The following DACT2 variants were observed in gnomAD, a reference collection of about 807,000 sequenced individuals.
The protein encoded by DACT2 is dishevelled binding antagonist of beta catenin 2, also known as dapper homolog 2.
In DACT2, 20 loss-of-function variants were observed where a neutral mutation model predicts 22.2. The observed-to-expected ratio is 0.90, with a 90% CI of 0.63 to 1.31. The LOEUF (loss-of-function observed/expected upper bound fraction) is 1.31. Among genes scored for constraint, DACT2 ranks in the 50% most tolerant of loss-of-function variants. The probability of loss-of-function intolerance (pLI) is 0.00; values close to 1 mark genes in which losing one functional copy is unlikely to be tolerated. For missense variants in DACT2, 1,048 were observed against 1,061.4 expected (o/e 0.99, Z 0.18); for synonymous variants, 463 against 479.8 (o/e 0.96, Z 0.46).
rs1779254739 is a variant in DACT2, at chr6:168,307,788, T to A, written c.1969A>T (p.Thr657Ser). 3 of 1,544,036 alleles carry A rather than the reference T, an allele frequency of 1.9e-6. No homozygotes were observed. Among genetic ancestry groups the A allele is most frequent in the Non-Finnish European group, 2.6e-6 (3 of 1,146,434 alleles). The change falls in exon 4 of 4, where the codon ACC becomes TCC. Residue 657 changes from threonine (T) to serine (S), a missense_variant. Thr to Ser is a moderately conservative substitution (Grantham distance 58, BLOSUM62 1). Transcript: ENST00000366795. This position sits in a 1 kb window ranked among gnomAD's most constrained non-coding sequence, Gnocchi z 5.3. The stretch of plus-strand genomic sequence containing the variant: ...TTGGAGGGCTCTGAGTCGCTCCTGG[T>A]GTAGGCGTCCTGGCGGACCAGTGAG... ...RPSLVRQDAY[T>S]RSDSEPSKHS...
chr6:168,300,896 G>A (rs1779090769), intron 3 of DACT2, among the ~76,000 whole-genome samples: 2 of 152,308 alleles, frequency 1.3e-5, no homozygotes, highest in African/African-American at 4.8e-5. Flanking sequence ...TGAGGCTGGA[G>A]AATCGCTTGA....
intron 1 of DACT2, among the ~76,000 whole-genome samples, chr6:168,313,161 C>T (rs1779462642): frequency 6.6e-6 from 1 of 152,196 alleles, no homozygotes; most frequent in Non-Finnish European, 1.5e-5. Context: ...ATTCTCTTGC[C>T]TCAGCCTCCC....
downstream of DACT2, among the ~76,000 whole-genome samples, chr6:168,302,955 C>T (rs1418431044): frequency 6.6e-6 from 1 of 152,188 alleles, no homozygotes; most frequent in East Asian, 1.9e-4. Flanking sequence ...TTGAAAAAGA[C>T]AGTCAACAAA....
chr6:168,318,311 C>T (rs554292606), intron 1 of DACT2, among the ~76,000 whole-genome samples: 2 of 152,384 alleles, frequency 1.3e-5, no homozygotes, highest in East Asian at 3.9e-4. Context: ...CTACCACCTC[C>T]GTCTTCCACA....
exon 6 of DACT2, chr6:168,293,831 G>A: frequency 1.4e-6 from 1 of 702,302 alleles, no homozygotes; most frequent in East Asian, 2.7e-5. Context: ...CCTGTGGCCA[G>A]GACCCGACTT....
Position 168,319,733 on chromosome 6 carries a change from C to T in DACT2, c.-100G>A. 8.5e-7 allele frequency: 1 copy of T among 1,181,434 alleles called. No homozygotes were observed. The highest frequency in any genetic ancestry group is 1.0e-6 in the Non-Finnish European group (1 of 955,404). The allele number at this position is 1,181,434 out of a possible 1,614,324, so 73.2% of individuals were successfully genotyped here. On this transcript the variant is annotated 5_prime_UTR_variant, in exon 1 of 4. Transcript: ENST00000366795. ...TGTCGCGGGTCCTCCTGCGCCTCCT[C>T]TCTCCGCCCCCGGCTCCGCAGGTCG...
chr6:168,310,841 G>A (rs922464668), intron 2 of DACT2, among the ~76,000 whole-genome samples: 3 of 152,172 alleles, frequency 2.0e-5, no homozygotes, highest in African/African-American at 7.2e-5. Context: ...CTGCCAAGTT[G>A]AGGAGACCAG....
downstream of DACT2, among the ~76,000 whole-genome samples, chr6:168,303,181 A>G (rs1265229233): frequency 6.6e-6 from 1 of 152,134 alleles, no homozygotes; most frequent in Non-Finnish European, 1.5e-5. Flanking sequence ...GTTTTCCATC[A>G]GGCTTTATGT....
chr6:168,309,890 A>T (rs1405117561), intron 3 of DACT2, among the ~76,000 whole-genome samples: 1 of 152,122 alleles, frequency 6.6e-6, no homozygotes, highest in East Asian at 1.9e-4. Flanking sequence ...CAGTGGATCC[A>T]GGGTTTTTGA....
chr6:168,303,077 C>T (rs1779138315), downstream of DACT2, among the ~76,000 whole-genome samples: 1 of 152,168 alleles, frequency 6.6e-6, no homozygotes, highest in Non-Finnish European at 1.5e-5. Flanking sequence ...TAATTTTGCC[C>T]TTTTTTCACT....
At chr6:168,296,486 G>T (rs369363858) in intron 3 of DACT2, among the ~76,000 whole-genome samples, 1 of 141,448 alleles carries the variant, frequency 7.1e-6, no homozygotes, top group Admixed American at 6.9e-5. Context: ...TGGAGGACAG[G>T]CACCCAGAAT....
At position 168,313,735 on chromosome 6, in the gene DACT2, C is replaced by A. The variant is rs1779479275; in HGVS notation, c.247-2451G>T. Among the ~76,000 whole-genome samples the A allele has an allele frequency of 2.0e-5, 3 of 152,208 alleles. No individual in the cohort carries two copies. The South Asian group carries it at 6.2e-4, about 32-fold the overall frequency. On this transcript the variant is annotated intron_variant, in intron 1 of 3. Transcript: ENST00000366795. ...GCCCTGTCCTCTTCCAAATCACACT[C>A]TCCTTCTTCTGAAGGAGGGAAGCCC...
chr6:168,311,129 G>C (rs1039556640), intron 2 of DACT2, 23 bp downstream of exon 2: 4 of 1,506,952 alleles, frequency 2.7e-6, no homozygotes, highest in African/African-American at 1.4e-5. Context: ...CCCTGTGTCC[G>C]GGAGGTCAGG....
chr6:168,301,183 C>G (rs1779097990), intron 3 of DACT2, among the ~76,000 whole-genome samples: 1 of 152,182 alleles, frequency 6.6e-6, no homozygotes, highest in African/African-American at 2.4e-5. Context: ...TCTGCATCCT[C>G]CTGTGGCAGC....
chr6:168,294,721 G>T, intron 3 of DACT2: 1 of 1,404,754 alleles, frequency 7.1e-7, no homozygotes, highest in Non-Finnish European at 9.4e-7. Context: ...AGAACAAAAT[G>T]CAAATGTGCG....
chr6:168,297,604 A>G (rs1187333019), intron 3 of DACT2, among the ~76,000 whole-genome samples: 1 of 152,220 alleles, frequency 6.6e-6, no homozygotes, highest in African/African-American at 2.4e-5. Flanking sequence ...TCCGCCCTCC[A>G]GAATGGTAGG....
Position 168,319,673 on chromosome 6 carries a change from G to T in DACT2, c.-40C>A, listed in dbSNP as rs1219081052. On this transcript the variant is annotated 5_prime_UTR_variant, in exon 1 of 4. Coordinates refer to ENST00000366795, the MANE Select transcript of DACT2 (RefSeq NM_214462.5). Reference sequence around the variant, plus strand: ...CCCGGCCTCCCGAACCCCACGAGCGGCGCCGGAGGCCCAGCGCGCGCGGAT... The same window carrying T: ...CCCGGCCTCCCGAACCCCACGAGCGTCGCCGGAGGCCCAGCGCGCGCGGAT... 1 of 1,207,162 alleles carries T rather than the reference G, an allele frequency of 8.3e-7. No homozygotes were observed. The allele number at this position is 1,207,162 out of a possible 1,614,324, so 74.8% of individuals were successfully genotyped here. A position where few individuals can be genotyped will look rare whatever the true frequency, so the allele number is the denominator to read the frequency against.
At position 168,308,086 on chromosome 6, in the gene DACT2, G is replaced by A. The variant is rs776250277; in HGVS notation, c.1671C>T (p.Pro557=). 9 of 1,544,714 alleles carry A rather than the reference G, an allele frequency of 5.8e-6. No homozygotes were observed. Among genetic ancestry groups the A allele is most frequent in the African/African-American group, 2.7e-5 (2 of 72,988 alleles). ...GGGTGGACTCAGAACAGGAGCGCCC[G>A]GGTGCCTCCCAGGCCAGGGCTGGCC... ...QRRPALAWEA[P]GRSCSESTLY... Residue 557 remains proline (P), a synonymous_variant, in exon 4 of 4, where the codon CCC becomes CCT. Transcript: ENST00000366795.
At chr6:168,293,671 C>T in exon 6 of DACT2, 1 of 568,252 alleles carries the variant, frequency 1.8e-6, no homozygotes, top group Non-Finnish European at 3.2e-6. Context: ...GTCCATTACT[C>T]CCTCACTTCA....
Sources: gnomAD v4.1 joint callset for allele counts (sites outside exome capture counted in the v4.1 genomes callset) on GRCh38, gnomAD v4.1.1 for gene constraint, Gnocchi (gnomAD v3.1) non-coding constraint, MANE v1.5 for transcripts, NCBI Gene and HGNC (gene_info 2026-07-23, HGNC 2026-07-21) for gene names.